The following PLCG1 variants were observed in gnomAD, a reference collection of about 807,000 sequenced individuals.
PLCG1 encodes phospholipase C gamma 1, also known as 1-phosphatidylinositol 4,5-bisphosphate phosphodiesterase gamma-1.
In PLCG1, 71 loss-of-function variants were observed where a neutral mutation model predicts 177.8. That is an observed-to-expected ratio of 0.40 (90% confidence interval 0.33 to 0.49). PLCG1 has a LOEUF of 0.49. Among genes scored for constraint, PLCG1 ranks in the 20% least tolerant of loss-of-function variants. PLCG1 has a pLI of 0.72. For synonymous variants in PLCG1, 658 were observed against 647.9 expected, an observed-to-expected ratio of 1.02 and a Z score of -0.24; for missense variants, 1,281 against 1,709.0, an observed-to-expected ratio of 0.75 and a Z score of 4.42.
Position 41,176,577 on chromosome 20 carries a change from G to GTCTT in PLCG1, c.*2072_*2075dup, listed in dbSNP as rs2036071097. 1 of 152,228 alleles carries GTCTT rather than the reference G, an allele frequency of 6.6e-6. No homozygotes were observed. The highest frequency in any genetic ancestry group is 1.5e-5 in the Non-Finnish European group (1 of 68,052). The allele number at this position is 152,228 out of a possible 1,614,324, so 9.4% of individuals were successfully genotyped here. ...ACGTATCTCTATTTGCTGAACAAGTGTCTTTCTGGAACACAACCTGGGGAA... is the reference window on the plus strand; with the variant it reads ...ACGTATCTCTATTTGCTGAACAAGTGTCTTTCTTTCTGGAACACAACCTGGGGAA... On this transcript the variant is annotated 3_prime_UTR_variant, in exon 32 of 32. Coordinates refer to ENST00000685551, the MANE Select transcript of PLCG1 (RefSeq NM_002660.3).
rs371451562 is a variant in PLCG1 at position 41,165,734 on chromosome 20, T to C, written c.1707T>C (p.Leu569=). The stretch of plus-strand genomic sequence containing the variant: ...GGCGTCACATCGCTGAGCGCCTGCT[T>C]ACTGAGTACTGCATCGAGACCGGAG... ...RDGRHIAERL[L]TEYCIETGAP... The change falls in exon 16 of 32, where the codon CTT becomes CTC. Residue 569 remains leucine (L), a synonymous_variant. Coordinates refer to ENST00000685551, the MANE Select transcript of PLCG1 (RefSeq NM_002660.3). The surrounding 1 kb of genome is among the most constrained non-coding windows in gnomAD (Gnocchi z 6.6). The C allele has an allele frequency of 1.2e-6, 2 of 1,613,772 alleles. No individual in the cohort carries two copies. The highest frequency in any genetic ancestry group is 1.3e-5 in the African/African-American group (1 of 74,936).
chr20:41,166,933 T>C lies in PLCG1; in HGVS notation c.2301+74T>C. ...CCAGAATCTTACCAGTCTCTGGATG[T>C]GTGTAACAGCAAGACCTGGTGTGTT... On this transcript the variant is annotated intron_variant, in intron 19 of 31. Transcript: ENST00000685551. The surrounding 1 kb of genome is among the most constrained non-coding windows in gnomAD (Gnocchi z 8.6). The C allele has an allele frequency of 7.2e-7, 1 of 1,388,838 alleles. No individual in the cohort carries two copies. Among genetic ancestry groups the C allele is most frequent in the Non-Finnish European group, 1.0e-6 (1 of 984,678 alleles). 86.0% of individuals were successfully genotyped at this position (1,388,838 alleles called of 1,614,324 possible). A position where few individuals can be genotyped will look rare whatever the true frequency, so the allele number is the denominator to read the frequency against.
At chr20:41,168,916 A>G in intron 21 of PLCG1, 46 bp downstream of exon 21, 3 of 1,360,550 alleles carry the variant, frequency 2.2e-6, no homozygotes, top group Non-Finnish European at 3.1e-6. Context: ...GCCCCAGTGG[A>G]GCTGGGGCCC....
Position 41,164,208 on chromosome 20 carries a change from C to A in PLCG1, c.1217+7C>A. ...ATGCCTTTGTGGCCTCAGAGTGAGT[C>A]GGAGGCTGGATGACCCAGGGGTTAA... On this transcript the variant is annotated splice_region_variant and intron_variant, in intron 12 of 31. Transcript: ENST00000685551. The surrounding 1 kb of genome is among the most constrained non-coding windows in gnomAD (Gnocchi z 6.4). The A allele has an allele frequency of 1.2e-6, 2 of 1,613,866 alleles. No homozygotes were observed. Among genetic ancestry groups the A allele is most frequent in the South Asian group, 2.2e-5 (2 of 91,030 alleles).
chr20:41,138,968 C>T (rs990289598), intron 1 of PLCG1, among the ~76,000 whole-genome samples: 6 of 152,114 alleles, frequency 3.9e-5, no homozygotes, highest in South Asian at 2.1e-4. Flanking sequence ...CAGGGACCCC[C>T]GGAGACTAGG....
rs2036079570 is a variant in PLCG1, at chr20:41,176,884, AT to A, written c.*2376del. 1 of 152,268 alleles carries A rather than the reference AT, an allele frequency of 6.6e-6. No homozygotes were observed. The highest frequency in any genetic ancestry group is 2.4e-5 in the African/African-American group (1 of 41,464). 9.4% of individuals were successfully genotyped at this position (152,268 alleles called of 1,614,324 possible). ...AGGAGTTGTTTGCCCCATCCCATGC[AT>A]GCAGGCCGTGTCCCTACAGTGCGAC... is the stretch of plus-strand genomic sequence containing the variant. On this transcript the variant is annotated 3_prime_UTR_variant, in exon 32 of 32. Transcript: ENST00000685551.
chr20:41,174,763 T>G lies in PLCG1; in HGVS notation c.*254T>G. 1 of 510,918 alleles carries G rather than the reference T, an allele frequency of 2.0e-6. No individual in the cohort carries two copies. Among genetic ancestry groups the G allele is most frequent in the East Asian group, 3.6e-5 (1 of 28,142 alleles). The allele number at this position is 510,918 out of a possible 1,614,324, so 31.6% of individuals were successfully genotyped here. A position where few individuals can be genotyped will look rare whatever the true frequency, so the allele number is the denominator to read the frequency against. On this transcript the variant is annotated 3_prime_UTR_variant, in exon 32 of 32. Coordinates refer to ENST00000685551, the MANE Select transcript of PLCG1 (RefSeq NM_002660.3). This position sits in a 1 kb window ranked among gnomAD's most constrained non-coding sequence, Gnocchi z 5.8. ...CGCATTAAGCACACACATCTGGCCC[T>G]GACTTCTGGAGATGGATCCTTCCAT... is the stretch of plus-strand genomic sequence containing the variant.
In PLCG1 at chr20:41,175,538, G is replaced by C. The variant is rs2036039901; in HGVS notation, c.*1029G>C. 1 of 152,638 alleles carries C rather than the reference G, an allele frequency of 6.6e-6. No individual in the cohort carries two copies. The highest frequency in any genetic ancestry group is 2.1e-4 in the South Asian group (1 of 4,830). 9.5% of individuals were successfully genotyped at this position (152,638 alleles called of 1,614,324 possible). On this transcript the variant is annotated 3_prime_UTR_variant, in exon 32 of 32. Coordinates refer to ENST00000685551, the MANE Select transcript of PLCG1 (RefSeq NM_002660.3). ...TGGAGATGGGAAGGTTAGAAAGGCA[G>C]CCCTCACCTCTGAGGACAGAGGCCG...
chr20:41,174,515 C>T lies in PLCG1; in HGVS notation c.*6C>T, dbSNP rs1426262162. 1 of 1,582,654 alleles carries T rather than the reference C, an allele frequency of 6.3e-7. No individual in the cohort carries two copies. Among genetic ancestry groups the T allele is most frequent in the East Asian group, 2.3e-5 (1 of 43,392 alleles). On this transcript the variant is annotated 3_prime_UTR_variant, in exon 32 of 32. Coordinates refer to ENST00000685551, the MANE Select transcript of PLCG1 (RefSeq NM_002660.3). This position sits in a 1 kb window ranked among gnomAD's most constrained non-coding sequence, Gnocchi z 5.8. ...ATGGAGACAACCGCCTCTAGTTGTA[C>T]CCCAGCCTCGTTGGAGAGCAGCAGG...
At chr20:41,171,291 G>A (rs774431794) in intron 24 of PLCG1, among the ~76,000 whole-genome samples, 2 of 152,092 alleles carry the variant, frequency 1.3e-5, no homozygotes, top group African/African-American at 4.8e-5. Flanking sequence ...GAGTCTGAAT[G>A]TAAGAGCCAC....
At chr20:41,155,058 C>A (rs1212378225) in intron 1 of PLCG1, among the ~76,000 whole-genome samples, 1 of 152,190 alleles carries the variant, frequency 6.6e-6, no homozygotes, top group Non-Finnish European at 1.5e-5. Context: ...GGAGTCTGTC[C>A]CTGGGCTGAG....
Position 41,165,677 on chromosome 20 carries a change from G to T in PLCG1, c.1650G>T (p.Trp550Cys), listed in dbSNP as rs1241546497. The T allele has an allele frequency of 6.2e-7, 1 of 1,614,032 alleles. No individual in the cohort carries two copies. Among genetic ancestry groups the T allele is most frequent in the Admixed American group, 1.7e-5 (1 of 60,024 alleles). The change falls in exon 16 of 32, where the codon TGG becomes TGT. Residue 550 changes from tryptophan to cysteine, a missense_variant. Physicochemically the swap from Trp to Cys is radical, Grantham distance 215. Transcript: ENST00000685551. The surrounding 1 kb of genome is among the most constrained non-coding windows in gnomAD (Gnocchi z 6.6). ...CAGAGCTGCACTCCAATGAGAAGTG[G>T]TTCCATGGGAAGCTAGGGGCAGGGC... ...SSTELHSNEK[W>C]FHGKLGAGRD... is the part of the protein sequence containing the mutation.
Position 41,166,091 on chromosome 20 carries a change from C to T in PLCG1, c.1800-103C>T. 9.4e-7 allele frequency: 1 copy of T among 1,069,278 alleles called. No individual in the cohort carries two copies. The highest frequency in any genetic ancestry group is 1.4e-6 in the Non-Finnish European group (1 of 728,438). The allele number at this position is 1,069,278 out of a possible 1,614,324, so 66.2% of individuals were successfully genotyped here. A position where few individuals can be genotyped will look rare whatever the true frequency, so the allele number is the denominator to read the frequency against. ...GCTCCTCAGGAGATTGGCCTCCCTC[C>T]TTGAGGCTCCCTCCTTGAGTTCCAC... On this transcript the variant is annotated intron_variant, in intron 16 of 31. Transcript: ENST00000685551. This position sits in a 1 kb window ranked among gnomAD's most constrained non-coding sequence, Gnocchi z 8.6.
In PLCG1 at chr20:41,167,780, C is replaced by A; in HGVS notation, c.2302-72C>A. 1 of 1,111,548 alleles carries A rather than the reference C, an allele frequency of 9.0e-7. No individual in the cohort carries two copies. The highest frequency in any genetic ancestry group is 1.4e-6 in the Non-Finnish European group (1 of 729,486). The allele number at this position is 1,111,548 out of a possible 1,614,324, so 68.9% of individuals were successfully genotyped here. On this transcript the variant is annotated intron_variant, in intron 19 of 31. Transcript: ENST00000685551. This position sits in a 1 kb window ranked among gnomAD's most constrained non-coding sequence, Gnocchi z 4.4. ...TGCACTGGGGGAAAGGGAAGCTGCT[C>A]CAGAAACCAGTAGCTGCTTTCTACC...
At chr20:41,161,894 C>G (rs2035510663) in intron 4 of PLCG1, among the ~76,000 whole-genome samples, 1 of 152,140 alleles carries the variant, frequency 6.6e-6, no homozygotes, top group African/African-American at 2.4e-5. Flanking sequence ...CTGTCTAGCC[C>G]CAGGAGGTGC....
Position 41,157,298 on chromosome 20 carries a change from C to T in PLCG1, c.218-2308C>T, listed in dbSNP as rs2146027065. 6.6e-6 allele frequency among the ~76,000 whole-genome samples: 1 copy of T among 151,460 alleles called. No homozygotes were observed. Among genetic ancestry groups the T allele is most frequent in the East Asian group, 1.9e-4 (1 of 5,132 alleles). On this transcript the variant is annotated intron_variant, in intron 1 of 31. Coordinates refer to ENST00000685551, the MANE Select transcript of PLCG1 (RefSeq NM_002660.3). This position sits in a 1 kb window ranked among gnomAD's most constrained non-coding sequence, Gnocchi z 5.4. ...GGAGGGGGATGACAGCAGCTCCACA[C>T]CGGAAGAGCAGACTGGTTTCTGTTT...
Position 41,163,602 on chromosome 20 carries a change from C to G in PLCG1, c.892-113C>G. On this transcript the variant is annotated intron_variant, in intron 9 of 31. Coordinates refer to ENST00000685551, the MANE Select transcript of PLCG1 (RefSeq NM_002660.3). This position sits in a 1 kb window ranked among gnomAD's most constrained non-coding sequence, Gnocchi z 5.2. Reference sequence around the variant, plus strand: ...CACCTTGTTTCTACCTACTGTGCACCTTGCCCACCCCCAGTTGGGACAGAG... The same window carrying G: ...CACCTTGTTTCTACCTACTGTGCACGTTGCCCACCCCCAGTTGGGACAGAG... 2.8e-6 allele frequency: 3 copies of G among 1,053,874 alleles called. No homozygotes were observed. The highest frequency in any genetic ancestry group is 2.6e-5 in the South Asian group (2 of 77,304). 65.3% of individuals were successfully genotyped at this position (1,053,874 alleles called of 1,614,324 possible). A position where few individuals can be genotyped will look rare whatever the true frequency, so the allele number is the denominator to read the frequency against.
At chr20:41,145,947 C>A (rs1393258735) in intron 1 of PLCG1, among the ~76,000 whole-genome samples, 1 of 152,198 alleles carries the variant, frequency 6.6e-6, no homozygotes, top group Non-Finnish European at 1.5e-5. Flanking sequence ...TGTGCCCAGG[C>A]TTAAGTCCTA....
rs2034650861 is a variant in PLCG1 at position 41,137,885 on chromosome 20, C to CCCG, written c.217+30_217+32dup. 1 of 1,238,812 alleles carries CCCG rather than the reference C, an allele frequency of 8.1e-7. No homozygotes were observed. Among genetic ancestry groups the CCCG allele is most frequent in the East Asian group, 3.2e-5 (1 of 31,702 alleles). 76.7% of individuals were successfully genotyped at this position (1,238,812 alleles called of 1,614,324 possible). Reference sequence around the variant, plus strand: ...TAAGTGCGCCCACTTCCTGCCTGGGCCCGCCCCGCGCGGGGGTCGTGGGAG... The same window carrying CCCG: ...TAAGTGCGCCCACTTCCTGCCTGGGCCCGCCGCCCCGCGCGGGGGTCGTGGGAG... On this transcript the variant is annotated intron_variant, in intron 1 of 31. Coordinates refer to ENST00000685551, the MANE Select transcript of PLCG1 (RefSeq NM_002660.3). This position sits in a 1 kb window ranked among gnomAD's most constrained non-coding sequence, Gnocchi z 7.3.
Sources: gnomAD v4.1 joint callset for allele counts (sites outside exome capture counted in the v4.1 genomes callset) on GRCh38, gnomAD v4.1.1 for gene constraint, Gnocchi (gnomAD v3.1) non-coding constraint, MANE v1.5 for transcripts, NCBI Gene and HGNC (gene_info 2026-07-23, HGNC 2026-07-21) for gene names.